The following BFAR variants were observed in gnomAD, a reference collection of about 807,000 sequenced individuals.
BFAR encodes RING finger protein 47.
In BFAR, 52 loss-of-function variants were observed where a neutral mutation model predicts 54.4. The ratio of observed to expected loss-of-function variants is 0.96; its 90% CI spans 0.77 to 1.21. The LOEUF is 1.21. BFAR is among the 50% of genes most tolerant of loss of function. BFAR has a pLI of 0.00. For missense variants in BFAR, 571 were observed against 534.0 expected (o/e 1.07, Z -0.68); for synonymous variants, 215 against 204.3 (o/e 1.05, Z -0.45).
intron 6 of BFAR, among the ~76,000 whole-genome samples, chr16:14,662,646 A>G (rs1960322223): frequency 2.0e-5 from 3 of 152,092 alleles, no homozygotes; most frequent in African/African-American, 7.2e-5. Context: ...CAGCCTCCCA[A>G]GTAGCTGGGA....
intron 5 of BFAR, 117 bp from the exon 6 acceptor site, chr16:14,661,775 T>C (rs2151844038): frequency 9.1e-7 from 1 of 1,099,332 alleles, no homozygotes; most frequent in East Asian, 2.4e-5. Context: ...CATTCATTCA[T>C]GCATTGTGTG....
chr16:14,647,727 A>G (rs1316407477), intron 2 of BFAR, among the ~76,000 whole-genome samples: 2 of 151,748 alleles, frequency 1.3e-5, no homozygotes, highest in African/African-American at 2.4e-5. Context: ...ATTTTCTCAC[A>G]TCATTGATGT....
intron 1 of BFAR, among the ~76,000 whole-genome samples, chr16:14,636,191 A>T (rs1421595789): frequency 6.6e-6 from 1 of 152,198 alleles, no homozygotes; most frequent in East Asian, 1.9e-4. Flanking sequence ...GTTTCTCGTT[A>T]GGTGGAACGA....
chr16:14,639,878 G>C (rs528984168), intron 1 of BFAR, among the ~76,000 whole-genome samples: 2 of 152,022 alleles, frequency 1.3e-5, no homozygotes, highest in African/African-American at 4.8e-5. Context: ...GAAAGCTCTG[G>C]TCAGGCACAG....
At chr16:14,635,941 T>C (rs944138992) in intron 1 of BFAR, among the ~76,000 whole-genome samples, 1 of 152,160 alleles carries the variant, frequency 6.6e-6, no homozygotes, top group Non-Finnish European at 1.5e-5. Context: ...ATGCTTCTCT[T>C]ATGTTAATGG....
Position 14,668,788 on chromosome 16 carries a change from A to C in BFAR, c.*961A>C, listed in dbSNP as rs1487307594. The stretch of plus-strand genomic sequence containing the variant: ...GGAGGCGGAGGTTGCAGGGAGGGAG[A>C]CTGCACCACTGCACTTCAGCCTGGG... On this transcript the variant is annotated 3_prime_UTR_variant, in exon 8 of 8. Coordinates refer to ENST00000261658, the MANE Select transcript of BFAR (RefSeq NM_016561.3). 1 of 162,552 alleles carries C rather than the reference A, an allele frequency of 6.2e-6. No homozygotes were observed. Among genetic ancestry groups the C allele is most frequent in the Non-Finnish European group, 1.3e-5 (1 of 74,372 alleles). 10.1% of individuals were successfully genotyped at this position (162,552 alleles called of 1,614,324 possible). A position where few individuals can be genotyped will look rare whatever the true frequency, so the allele number is the denominator to read the frequency against.
At chr16:14,645,798 CCTT>C (rs1267191209) in intron 2 of BFAR, among the ~76,000 whole-genome samples, 1 of 152,040 alleles carries the variant, frequency 6.6e-6, no homozygotes, top group Non-Finnish European at 1.5e-5. Context: ...TGCTTTTTTC[CCTT>C]CTTATAAACT....
At chr16:14,644,664 C>G in intron 2 of BFAR, 55 bp downstream of exon 2, 2 of 1,398,634 alleles carry the variant, frequency 1.4e-6, no homozygotes, top group Middle Eastern at 1.9e-4. Flanking sequence ...TGGTTTCTCT[C>G]TTGCTTTTTT....
chr16:14,664,592 C>T (rs900734263), intron 6 of BFAR, among the ~76,000 whole-genome samples: 8 of 151,894 alleles, frequency 5.3e-5, no homozygotes, highest in Non-Finnish European at 7.4e-5. Flanking sequence ...CTGCACATCC[C>T]GGGTTCAAGT....
In BFAR at chr16:14,648,624, C is replaced by T. The variant is rs201845271; in HGVS notation, c.468+32C>T. On this transcript the variant is annotated intron_variant, in intron 3 of 7. Transcript: ENST00000261658. ...TGATCACTGTGTTCCTCTGTGCCCC[C>T]CCACACCTCACCCCCCGACCCCTGA... 3.1e-6 allele frequency: 4 copies of T among 1,271,758 alleles called. No homozygotes were observed. In the South Asian group the frequency reaches 3.6e-5, roughly 11 times the overall value. The allele number at this position is 1,271,758 out of a possible 1,614,324, so 78.8% of individuals were successfully genotyped here.
chr16:14,661,712 A>G (rs1960292749), intron 5 of BFAR, among the ~76,000 whole-genome samples, 180 bp from the exon 6 acceptor site: 1 of 152,122 alleles, frequency 6.6e-6, no homozygotes, highest in Non-Finnish European at 1.5e-5. Flanking sequence ...CCAAGATCGA[A>G]TCTTTATACA....
rs567186708 is a variant in BFAR at position 14,665,178 on chromosome 16, C to T, written c.1160+107C>T. On this transcript the variant is annotated intron_variant, in intron 7 of 7. Coordinates refer to ENST00000261658, the MANE Select transcript of BFAR (RefSeq NM_016561.3). ...ACTTGAAATAAATCCTCCATCCACC[C>T]AGACCCTTCAGACTCTGCTTTGAGA... 94 of 1,080,116 alleles carry T rather than the reference C, an allele frequency of 8.7e-5. No individual in the cohort carries two copies. In the African/African-American group the frequency reaches 1.2e-3, roughly 14 times the overall value. 66.9% of individuals were successfully genotyped at this position (1,080,116 alleles called of 1,614,324 possible). A position where few individuals can be genotyped will look rare whatever the true frequency, so the allele number is the denominator to read the frequency against.
At chr16:14,637,951 A>G (rs530849095) in intron 1 of BFAR, among the ~76,000 whole-genome samples, 2 of 151,342 alleles carry the variant, frequency 1.3e-5, no homozygotes, top group South Asian at 4.2e-4. Context: ...TGTACCCTGG[A>G]AAAATAAGGT....
chr16:14,633,696 A>G (rs1959338081), intron 1 of BFAR, among the ~76,000 whole-genome samples: 1 of 152,136 alleles, frequency 6.6e-6, no homozygotes, highest in Non-Finnish European at 1.5e-5. Context: ...CCTGCCGCCC[A>G]GGCTGGAGTG....
chr16:14,646,593 G>T (rs1959803597), intron 2 of BFAR, among the ~76,000 whole-genome samples: 2 of 151,396 alleles, frequency 1.3e-5, no homozygotes, highest in Admixed American at 6.6e-5. Context: ...CCGCCTCCCA[G>T]GTTCAAGTGA....
rs957567620 is a variant in BFAR, at chr16:14,648,250, A to C, written c.264-138A>C. 21 of 673,398 alleles carry C rather than the reference A, an allele frequency of 3.1e-5. No homozygotes were observed. The African/African-American group carries it at 3.4e-4, about 11-fold the overall frequency. 41.7% of individuals were successfully genotyped at this position (673,398 alleles called of 1,614,324 possible). The stretch of plus-strand genomic sequence containing the variant: ...TTTCAGATTTTTTGCTTTTACCCAC[A>C]GGACTATAATACATTTCTTGTCAGT... On this transcript the variant is annotated intron_variant, in intron 2 of 7. Coordinates refer to ENST00000261658, the MANE Select transcript of BFAR (RefSeq NM_016561.3).
chr16:14,637,386 C>T (rs1406479351), intron 1 of BFAR, among the ~76,000 whole-genome samples: 4 of 151,952 alleles, frequency 2.6e-5, no homozygotes, highest in East Asian at 1.9e-4. Flanking sequence ...TTGGTGTTTC[C>T]GCCTGGTTTC....
chr16:14,644,679 T>C (rs1959736286), intron 2 of BFAR, 70 bp downstream of exon 2: 1 of 1,528,358 alleles, frequency 6.5e-7, no homozygotes, highest in African/African-American at 1.4e-5. Context: ...TTTTTTTTTT[T>C]TTTTTTTAAC....
Position 14,644,229 on chromosome 16 carries a change from A to G in BFAR, c.-73-45A>G. On this transcript the variant is annotated intron_variant, in intron 1 of 7. Transcript: ENST00000261658. ...TACTTTTATATTAACTGCTCTTCAA[A>G]CAACTACTATTTGCCTTATTTTTGT... 2.8e-6 allele frequency: 3 copies of G among 1,063,506 alleles called. No homozygotes were observed. The South Asian group carries it at 4.6e-5, about 16-fold the overall frequency. 65.9% of individuals were successfully genotyped at this position (1,063,506 alleles called of 1,614,324 possible). A position where few individuals can be genotyped will look rare whatever the true frequency, so the allele number is the denominator to read the frequency against.
Sources: allele counts gnomAD v4.1 joint callset (sites outside exome capture counted in the v4.1 genomes callset), GRCh38; gene constraint gnomAD v4.1.1; transcripts MANE v1.5; gene names NCBI Gene and HGNC (gene_info 2026-07-23, HGNC 2026-07-21).